Variants in DOCK4 observed in about 807,000 individuals in gnomAD.
DOCK4 encodes the protein dedicator of cytokinesis protein 4.
In DOCK4, 97 loss-of-function variants were observed where a neutral mutation model predicts 268.1. The ratio of observed to expected loss-of-function variants is 0.36; its 90% CI spans 0.31 to 0.43. The LOEUF (loss-of-function observed/expected upper bound fraction) is 0.43, where lower values mean the gene tolerates loss of function less well. Among genes scored for constraint, DOCK4 ranks in the 20% least tolerant of loss-of-function variants. The pLI is 1.00. For synonymous variants in DOCK4, 954 were observed against 887.2 expected, an observed-to-expected ratio of 1.08 and a Z score of -1.34; for missense variants, 2,145 against 2,455.7, an observed-to-expected ratio of 0.87 and a Z score of 2.67.
chr7:111,734,565 A>G (rs932793062), intron 51 of DOCK4, among the ~76,000 whole-genome samples: 1 of 152,226 alleles, frequency 6.6e-6, no homozygotes, highest in Non-Finnish European at 1.5e-5. Flanking sequence ...GTCCTTGCAT[A>G]AAGACCTCTC....
chr7:112,005,606 A>T (rs1458022644), intron 1 of DOCK4, among the ~76,000 whole-genome samples: 3 of 152,236 alleles, frequency 2.0e-5, no homozygotes, highest in Non-Finnish European at 4.4e-5. Context: ...CTTACAAGGG[A>T]TCAGCAACTG....
At chr7:112,056,217 T>C (rs550893843) in intron 1 of DOCK4, among the ~76,000 whole-genome samples, 29 of 152,178 alleles carry the variant, frequency 1.9e-4, no homozygotes, top group Non-Finnish European at 3.2e-4. Context: ...CTCTGTAAGA[T>C]GTTATTTGGA....
chr7:111,796,462 G>A (rs1166415495), intron 30 of DOCK4, among the ~76,000 whole-genome samples: 2 of 152,190 alleles, frequency 1.3e-5, no homozygotes, highest in African/African-American at 4.8e-5. Flanking sequence ...TCTGTGATGA[G>A]GAAAGTTCTG....
intron 41 of DOCK4, among the ~76,000 whole-genome samples, chr7:111,757,018 T>G: frequency 6.6e-6 from 1 of 150,788 alleles, no homozygotes; most frequent in African/African-American, 2.4e-5. Flanking sequence ...GAGGAGTGAG[T>G]AGGAGTTTGC....
intron 1 of DOCK4, among the ~76,000 whole-genome samples, chr7:112,129,235 T>C (rs1165870560): frequency 6.6e-6 from 1 of 152,244 alleles, no homozygotes; most frequent in Non-Finnish European, 1.5e-5. Flanking sequence ...GTGAACTATT[T>C]ATAACAACTT....
At chr7:111,985,259 G>A (rs760672281) in intron 6 of DOCK4, among the ~76,000 whole-genome samples, 1 of 151,928 alleles carries the variant, frequency 6.6e-6, no homozygotes, top group Non-Finnish European at 1.5e-5. Context: ...CATCTCAAAG[G>A]CTACACAACG....
At chr7:111,846,861 CAA>C (rs1225012768) in intron 24 of DOCK4, 136 bp downstream of exon 24, 9 of 1,044,806 alleles carry the variant, frequency 8.6e-6, no homozygotes, top group Non-Finnish European at 1.2e-5. Flanking sequence ...CAAAGAGAAG[CAA>C]AAAGTCCAGC....
At chr7:111,806,842 C>T (rs1411808787) in intron 30 of DOCK4, among the ~76,000 whole-genome samples, 2 of 152,120 alleles carry the variant, frequency 1.3e-5, no homozygotes, top group Non-Finnish European at 2.9e-5. Flanking sequence ...TATTGATATG[C>T]TCCAGAAATT....
At chr7:111,864,928 T>C (rs1163350963) in intron 22 of DOCK4, among the ~76,000 whole-genome samples, 2 of 152,208 alleles carry the variant, frequency 1.3e-5, no homozygotes, top group Non-Finnish European at 2.9e-5. Context: ...AAAAGGCATC[T>C]GAATGTGCCT....
intron 1 of DOCK4, among the ~76,000 whole-genome samples, chr7:112,111,943 C>T (rs976413144): frequency 2.0e-5 from 3 of 152,296 alleles, no homozygotes; most frequent in Admixed American, 6.5e-5. Flanking sequence ...TCACAGTAAA[C>T]GGGAAGTGAG....
chr7:112,067,038 G>A (rs1056014575), intron 1 of DOCK4, among the ~76,000 whole-genome samples: 1 of 151,134 alleles, frequency 6.6e-6, no homozygotes, highest in Non-Finnish European at 1.5e-5. Context: ...AACCCACTGG[G>A]CATAGTGATA....
At chr7:111,818,235 T>C (rs1801704697) in intron 27 of DOCK4, among the ~76,000 whole-genome samples, 1 of 152,132 alleles carries the variant, frequency 6.6e-6, no homozygotes, top group Non-Finnish European at 1.5e-5. Context: ...AGGTTTCAAA[T>C]CCTAACCATA....
intron 1 of DOCK4, among the ~76,000 whole-genome samples, chr7:112,200,975 C>T (rs1458222739): frequency 6.6e-6 from 1 of 152,060 alleles, no homozygotes; most frequent in Non-Finnish European, 1.5e-5. Flanking sequence ...GTTTAGAATC[C>T]TGTGTCAGGC....
At position 111,989,039 on chromosome 7, in the gene DOCK4, G is replaced by A. The variant is rs1799282202; in HGVS notation, c.440C>T (p.Thr147Ile). Residue 147 changes from threonine (T) to isoleucine (I), a missense_variant, in exon 6 of 53, where the codon ACT becomes ATT. By Grantham distance (89) the Thr-to-Ile change is moderately conservative. This residue lies in a region of DOCK4 where 1,598 missense variants were observed against 1,986.7 expected (regional missense o/e 0.80). Transcript: ENST00000428084. ...DRMKDVKRHI[T>I]ARLDWGNEQL... ...CTCATTGCCCCAGTCAAGCCGGGCA[G>A]TAATGTGGCGCTTCACGTCCTTCAT... The A allele has an allele frequency of 6.2e-7, 1 of 1,613,200 alleles. No homozygotes were observed. Among genetic ancestry groups the A allele is most frequent in the Non-Finnish European group, 8.5e-7 (1 of 1,179,510 alleles).
Position 111,998,508 on chromosome 7 carries a change from A to T in DOCK4, c.163-5T>A. ...GTAGCTGGAAGGAAATATACCCTGGAAAAGAAAACATGAAGGTTACGATGC... is the reference window on the plus strand; with the variant it reads ...GTAGCTGGAAGGAAATATACCCTGGTAAAGAAAACATGAAGGTTACGATGC... On this transcript the variant is annotated splice_region_variant and splice_polypyrimidine_tract_variant and intron_variant, in intron 3 of 52. Coordinates refer to ENST00000428084, the MANE Select transcript of DOCK4 (RefSeq NM_001363540.2). 1 of 1,582,480 alleles carries T rather than the reference A, an allele frequency of 6.3e-7. No homozygotes were observed. The highest frequency in any genetic ancestry group is 8.6e-7 in the Non-Finnish European group (1 of 1,161,912).
intron 25 of DOCK4, among the ~76,000 whole-genome samples, chr7:111,835,493 C>G (rs1803167263): frequency 1.3e-5 from 2 of 152,164 alleles, no homozygotes; most frequent in Admixed American, 6.6e-5. Flanking sequence ...TGAAGACCTA[C>G]ATAAAATTGC....
intron 8 of DOCK4, among the ~76,000 whole-genome samples, chr7:111,948,909 GAA>G (rs1040046468): frequency 1.8e-5 from 2 of 113,130 alleles, no homozygotes; most frequent in Non-Finnish European, 1.9e-5. Context: ...AACATGCTTA[GAA>G]AAAAAAAAAA....
intron 13 of DOCK4, among the ~76,000 whole-genome samples, chr7:111,914,740 C>G (rs534766820): frequency 6.6e-6 from 1 of 152,338 alleles, no homozygotes; most frequent in African/African-American, 2.4e-5. Context: ...TTTACCTACA[C>G]TGGTTTTCAC....
At chr7:112,195,640 A>G (rs1042131375) in intron 1 of DOCK4, among the ~76,000 whole-genome samples, 2 of 151,682 alleles carry the variant, frequency 1.3e-5, no homozygotes, top group Non-Finnish European at 2.9e-5. Flanking sequence ...ATGCATCCCC[A>G]CGTTCCCAAA....
Sources: gnomAD v4.1 joint callset for allele counts (sites outside exome capture counted in the v4.1 genomes callset) on GRCh38, gnomAD v4.1.1 for gene constraint, gnomAD v4.1.1 regional missense constraint, MANE v1.5 for transcripts, NCBI Gene and HGNC (gene_info 2026-07-23, HGNC 2026-07-21) for gene names.